Variants in NKAIN3 observed in about 807,000 individuals in gnomAD.
The protein encoded by NKAIN3 is sodium/potassium transporting ATPase interacting 3.
NKAIN3 carries 25 observed loss-of-function variants against 30.2 expected under a neutral mutation model. That is an observed-to-expected ratio of 0.83 (90% CI 0.60 to 1.16). The LOEUF (loss-of-function observed/expected upper bound fraction) is 1.16. NKAIN3 is among the 50% of genes most tolerant of loss of function. The pLI, the probability that NKAIN3 is intolerant of heterozygous loss-of-function variation, is 0.00. For synonymous variants in NKAIN3, 91 were observed against 89.6 expected (o/e 1.02, Z -0.09); for missense variants, 225 against 254.1 (o/e 0.89, Z 0.78).
At chr8:62,730,323 AC>A (rs1586137848) in intron 3 of NKAIN3, among the ~76,000 whole-genome samples, 1 of 152,088 alleles carries the variant, frequency 6.6e-6, no homozygotes, top group Admixed American at 6.5e-5. Context: ...TTAATTGCAA[AC>A]CCCAGAACAG....
At chr8:62,803,124 G>A (rs1818132031) in intron 4 of NKAIN3, among the ~76,000 whole-genome samples, 1 of 152,138 alleles carries the variant, frequency 6.6e-6, no homozygotes, top group African/African-American at 2.4e-5. Context: ...CAAGTCCTGA[G>A]TGACCTACAA....
Position 62,844,808 on chromosome 8 carries a change from G to T in NKAIN3, c.472-73645G>T, listed in dbSNP as rs371355968. On this transcript the variant is annotated intron_variant, in intron 4 of 6. Coordinates refer to ENST00000623646, the MANE Select transcript of NKAIN3 (RefSeq NM_001304533.3). ...CATTTTGGTGGCTGTCCCCATTTGG[G>T]CTCCCATAAATGCACTGCCAGGACT... Among the ~76,000 whole-genome samples the T allele has an allele frequency of 1.1e-3, 173 of 152,116 alleles. 2 individuals carry two copies. In the South Asian group the frequency reaches 0.034, roughly 30 times the overall value.
At chr8:62,331,614 T>C (rs1214354830) in intron 1 of NKAIN3, among the ~76,000 whole-genome samples, 3 of 152,178 alleles carry the variant, frequency 2.0e-5, no homozygotes, top group African/African-American at 7.2e-5. Context: ...TTTTATCTTC[T>C]TTAAGAGTTA....
At chr8:62,489,536 T>C (rs942331358) in intron 1 of NKAIN3, among the ~76,000 whole-genome samples, 14 of 152,202 alleles carry the variant, frequency 9.2e-5, no homozygotes, top group African/African-American at 3.1e-4. Flanking sequence ...TTTTAATATC[T>C]GGGTAACCAA....
chr8:62,871,049 T>G (rs1300223138), intron 4 of NKAIN3, among the ~76,000 whole-genome samples: 1 of 152,122 alleles, frequency 6.6e-6, no homozygotes, highest in Non-Finnish European at 1.5e-5. Flanking sequence ...TATTCAAGGT[T>G]ATAATGTGAT....
intron 1 of NKAIN3, among the ~76,000 whole-genome samples, chr8:62,254,597 A>G (rs1345770822): frequency 6.7e-6 from 1 of 149,454 alleles, no homozygotes; most frequent in Non-Finnish European, 1.5e-5. Flanking sequence ...ATATATGCCA[A>G]TAAATAATTA....
chr8:62,561,770 T>C (rs1168074460), intron 1 of NKAIN3, among the ~76,000 whole-genome samples: 1 of 152,140 alleles, frequency 6.6e-6, no homozygotes, highest in African/African-American at 2.4e-5. Flanking sequence ...CCTAGCTTTA[T>C]CAGAAATGGA....
chr8:62,565,113 A>C (rs1809709821), intron 1 of NKAIN3, among the ~76,000 whole-genome samples: 2 of 152,108 alleles, frequency 1.3e-5, no homozygotes, highest in African/African-American at 4.8e-5. Context: ...ATTTTTTCCT[A>C]CATAAAGTAT....
chr8:62,879,707 G>A (rs1273244176), intron 4 of NKAIN3, among the ~76,000 whole-genome samples: 3 of 152,176 alleles, frequency 2.0e-5, no homozygotes, highest in African/African-American at 7.2e-5. Context: ...CCACCTAACA[G>A]AGGGACTGTT....
chr8:62,437,699 C>T (rs985982488), intron 1 of NKAIN3, among the ~76,000 whole-genome samples: 7 of 151,934 alleles, frequency 4.6e-5, no homozygotes, highest in African/African-American at 1.2e-4. Context: ...ATAATTACCA[C>T]GGTGAGCATT....
chr8:62,687,956 T>C (rs1196720604), intron 3 of NKAIN3, among the ~76,000 whole-genome samples: 1 of 152,214 alleles, frequency 6.6e-6, no homozygotes, highest in Non-Finnish European at 1.5e-5. Flanking sequence ...AAGGGGAAAC[T>C]ACCAAGAGAG....
chr8:62,806,355 G>T (rs528791698), intron 4 of NKAIN3, among the ~76,000 whole-genome samples: 3 of 152,126 alleles, frequency 2.0e-5, no homozygotes, highest in East Asian at 1.9e-4. Flanking sequence ...ACATGCATAC[G>T]TATGTTTATT....
intron 4 of NKAIN3, among the ~76,000 whole-genome samples, chr8:62,905,234 G>A (rs1323305027): frequency 2.0e-5 from 3 of 152,160 alleles, no homozygotes; most frequent in Admixed American, 2.0e-4. Context: ...GCAAAGAATG[G>A]GGTGTACTCA....
chr8:62,424,173 A>G lies in NKAIN3; in HGVS notation c.55-155366A>G, dbSNP rs562983701. Among the ~76,000 whole-genome samples, 9 of 152,190 alleles carry G rather than the reference A, an allele frequency of 5.9e-5. No individual in the cohort carries two copies. In the East Asian group the frequency reaches 1.7e-3, roughly 29 times the overall value. ...ATATACAAAAATGAACTCAATTTGA[A>G]TGAAAGACTTGAAGATAAGACCTGA... is the stretch of plus-strand genomic sequence containing the variant. On this transcript the variant is annotated intron_variant, in intron 1 of 6. Coordinates refer to ENST00000623646, the MANE Select transcript of NKAIN3 (RefSeq NM_001304533.3).
chr8:62,280,036 C>T (rs184892131), intron 1 of NKAIN3, among the ~76,000 whole-genome samples: 177 of 152,176 alleles, frequency 1.2e-3, no homozygotes, highest in African/African-American at 4.2e-3. Context: ...TGTTTGTGTC[C>T]TCTTTTATTT....
At chr8:62,531,020 C>A (rs1234426975) in intron 1 of NKAIN3, among the ~76,000 whole-genome samples, 2 of 152,156 alleles carry the variant, frequency 1.3e-5, no homozygotes, top group Non-Finnish European at 2.9e-5. Flanking sequence ...CAACCACACT[C>A]CAGGAATCCT....
intron 1 of NKAIN3, among the ~76,000 whole-genome samples, chr8:62,559,556 A>G (rs1468132721): frequency 2.0e-5 from 3 of 151,924 alleles, no homozygotes; most frequent in Non-Finnish European, 2.9e-5. Context: ...TAATATATCT[A>G]TAGTGATTTT....
chr8:62,950,468 C>T (rs1490513274), intron 5 of NKAIN3, among the ~76,000 whole-genome samples: 1 of 152,114 alleles, frequency 6.6e-6, no homozygotes, highest in Non-Finnish European at 1.5e-5. Flanking sequence ...TTCAAAGATT[C>T]CTCCTTAATA....
chr8:62,575,383 A>G (rs1810077379), intron 1 of NKAIN3, among the ~76,000 whole-genome samples: 1 of 152,138 alleles, frequency 6.6e-6, no homozygotes, highest in African/African-American at 2.4e-5. Flanking sequence ...TACAAATAAA[A>G]TTAAATGCCT....
Sources: allele counts gnomAD v4.1 joint callset (sites outside exome capture counted in the v4.1 genomes callset), GRCh38; gene constraint gnomAD v4.1.1; transcripts MANE v1.5; gene names NCBI Gene and HGNC (gene_info 2026-07-23, HGNC 2026-07-21).